The following RALA variants were observed in gnomAD, a reference collection of about 807,000 sequenced individuals.
RALA encodes RAS like proto-oncogene A.
In RALA, 5 loss-of-function variants were observed where a neutral mutation model predicts 24.0. The ratio of observed to expected loss-of-function variants is 0.21; its 90% CI spans 0.11 to 0.44. The LOEUF (loss-of-function observed/expected upper bound fraction) is 0.44, where lower values mean the gene tolerates loss of function less well. Among genes scored for constraint, RALA ranks in the 20% least tolerant of loss-of-function variants. The pLI is 0.99. For missense variants in RALA, 95 were observed against 241.2 expected (o/e 0.39, Z 4.01); for synonymous variants, 77 against 83.8 (o/e 0.92, Z 0.44).
chr7:39,690,585 C>T lies in RALA; in HGVS notation c.318C>T (p.Asp106=). 2.5e-6 allele frequency: 4 copies of T among 1,607,686 alleles called. No homozygotes were observed. Among genetic ancestry groups the T allele is most frequent in the Non-Finnish European group, 3.4e-6 (4 of 1,175,468 alleles). Residue 106 remains aspartate (D), a synonymous_variant, in exon 3 of 5, where the codon GAC becomes GAT. Coordinates refer to ENST00000005257, the MANE Select transcript of RALA (RefSeq NM_005402.4). The part of the protein sequence containing the change: ...TEMESFAATA[D]FREQILRVKE... ...TGGAATCCTTTGCAGCTACAGCTGA[C>T]TTCAGGTATGTCCTAGAGTAATGTT... is the stretch of plus-strand genomic sequence containing the variant.
At chr7:39,658,503 A>T (rs1288813751) in intron 1 of RALA, among the ~76,000 whole-genome samples, 1 of 152,170 alleles carries the variant, frequency 6.6e-6, no homozygotes, top group Non-Finnish European at 1.5e-5. Context: ...TTGCAGTTTT[A>T]TATGGTTTCA....
chr7:39,641,152 G>T (rs1417782888), intron 1 of RALA, among the ~76,000 whole-genome samples: 1 of 152,028 alleles, frequency 6.6e-6, no homozygotes, highest in African/African-American at 2.4e-5. Flanking sequence ...GTGCTGGAGG[G>T]GTGCTGGGCA....
chr7:39,633,782 C>T (rs911436116), intron 1 of RALA, among the ~76,000 whole-genome samples: 2 of 152,174 alleles, frequency 1.3e-5, no homozygotes, highest in Admixed American at 6.5e-5. Flanking sequence ...ATCCACTCAT[C>T]TGGCAGGAAT....
intron 1 of RALA, among the ~76,000 whole-genome samples, chr7:39,678,693 T>C (rs1792532005): frequency 6.6e-6 from 1 of 152,198 alleles, no homozygotes; most frequent in Admixed American, 6.5e-5. Flanking sequence ...CAAAGGCATG[T>C]ACATGTGGAT....
intron 1 of RALA, among the ~76,000 whole-genome samples, chr7:39,625,420 G>T (rs183273805): frequency 1.3e-5 from 2 of 152,202 alleles, no homozygotes; most frequent in East Asian, 3.9e-4. Flanking sequence ...TATGTTTGGG[G>T]TTGATAACTG....
At chr7:39,664,126 C>CT (rs1398301177) in intron 1 of RALA, among the ~76,000 whole-genome samples, 17 of 152,186 alleles carry the variant, frequency 1.1e-4, no homozygotes, top group African/African-American at 4.1e-4. Flanking sequence ...CCACAAGGAA[C>CT]TTCTGTTGGT....
chr7:39,691,662 C>T (rs1792820261), intron 3 of RALA, among the ~76,000 whole-genome samples: 1 of 152,292 alleles, frequency 6.6e-6, no homozygotes, highest in African/African-American at 2.4e-5. Flanking sequence ...ATCTCAAGAA[C>T]TTATTCTAAG....
At position 39,695,465 on chromosome 7, in the gene RALA, A is replaced by G. The variant is rs192011651; in HGVS notation, c.324-1220A>G. ...CTTACTCTGTCATCCAGGCTAGAGT[A>G]CAGTGATGTAATCATGGCTCACTGC... On this transcript the variant is annotated intron_variant, in intron 3 of 4. Transcript: ENST00000005257. 3.7e-4 allele frequency among the ~76,000 whole-genome samples: 56 copies of G among 151,616 alleles called. 1 individual carries two copies. Among genetic ancestry groups the G allele is most frequent in the Non-Finnish European group, 6.3e-4 (43 of 67,930 alleles).
intron 1 of RALA, among the ~76,000 whole-genome samples, chr7:39,640,455 A>G (rs1791792964): frequency 6.6e-6 from 1 of 152,140 alleles, no homozygotes; most frequent in African/African-American, 2.4e-5. Context: ...GTTTAGTCAA[A>G]TCTTTTTCCT....
At chr7:39,672,389 C>T (rs1390975501) in intron 1 of RALA, among the ~76,000 whole-genome samples, 1 of 152,066 alleles carries the variant, frequency 6.6e-6, no homozygotes, top group Non-Finnish European at 1.5e-5. Flanking sequence ...AATTAGAAGC[C>T]TGGGACAGTG....
At chr7:39,669,811 A>AG (rs1646770218) in intron 1 of RALA, among the ~76,000 whole-genome samples, 1 of 150,186 alleles carries the variant, frequency 6.7e-6, no homozygotes, top group African/African-American at 2.4e-5. Context: ...GTCTCTTTAA[A>AG]AAAAAAAAAA....
At chr7:39,644,152 C>T (rs1791885893) in intron 1 of RALA, among the ~76,000 whole-genome samples, 1 of 151,342 alleles carries the variant, frequency 6.6e-6, no homozygotes, top group South Asian at 2.1e-4. Context: ...CTTCTGGTGG[C>T]TAAATTGATT....
intron 1 of RALA, among the ~76,000 whole-genome samples, chr7:39,679,275 G>A (rs1435455234): frequency 2.0e-5 from 3 of 152,086 alleles, no homozygotes; most frequent in Non-Finnish European, 2.9e-5. Context: ...TTTTAGGCTT[G>A]CAAGCCACAT....
chr7:39,635,078 G>T lies in RALA; in HGVS notation c.-38+11253G>T, dbSNP rs377405018. ...TTAAATGTGCAGTTTTGCCAGGTGT[G>T]GTGGCTCACGCCTGTAATTCCAGCA... On this transcript the variant is annotated intron_variant, in intron 1 of 4. Coordinates refer to ENST00000005257, the MANE Select transcript of RALA (RefSeq NM_005402.4). Among the ~76,000 whole-genome samples, 78 of 152,272 alleles carry T rather than the reference G, an allele frequency of 5.1e-4. No homozygotes were observed. In the South Asian group the frequency reaches 0.015, roughly 30 times the overall value.
At chr7:39,699,447 G>A (rs1458593809) in intron 4 of RALA, among the ~76,000 whole-genome samples, 1 of 152,196 alleles carries the variant, frequency 6.6e-6, no homozygotes, top group Non-Finnish European at 1.5e-5. Context: ...GCCTAAAAAT[G>A]TTATTATACA....
intron 1 of RALA, among the ~76,000 whole-genome samples, chr7:39,645,083 C>T (rs79749986): frequency 2.6e-5 from 4 of 152,228 alleles, no homozygotes; most frequent in African/African-American, 9.6e-5. Context: ...CTTTCCTAGA[C>T]GTTAAAAGTG....
intron 1 of RALA, among the ~76,000 whole-genome samples, chr7:39,672,930 A>G (rs771057919): frequency 3.9e-5 from 6 of 152,354 alleles, no homozygotes; most frequent in African/African-American, 7.2e-5. Context: ...TCATTAAACT[A>G]TACACTTAAA....
chr7:39,642,352 G>A (rs1791833364), intron 1 of RALA, among the ~76,000 whole-genome samples: 1 of 152,172 alleles, frequency 6.6e-6, no homozygotes, highest in Non-Finnish European at 1.5e-5. Flanking sequence ...AAGTAAAGGA[G>A]TAAGATTTGT....
chr7:39,644,082 G>A (rs571323287), intron 1 of RALA, among the ~76,000 whole-genome samples: 17 of 152,190 alleles, frequency 1.1e-4, no homozygotes, highest in African/African-American at 4.1e-4. Context: ...CAAAATTCTG[G>A]ACTCAAAATC....
Sources: allele counts gnomAD v4.1 joint callset (sites outside exome capture counted in the v4.1 genomes callset), GRCh38; gene constraint gnomAD v4.1.1; transcripts MANE v1.5; gene names NCBI Gene and HGNC (gene_info 2026-07-23, HGNC 2026-07-21).